DNAAF11: variants seen among roughly 807,000 people sequenced by gnomAD.
DNAAF11 encodes dynein axonemal assembly factor 11, also known as leucine rich repeat containing 6.
Under a neutral mutation model 60.8 loss-of-function variants are expected in DNAAF11, and 45 were observed. The observed-to-expected ratio is 0.74, with a 90% CI of 0.58 to 0.95. The LOEUF (loss-of-function observed/expected upper bound fraction) is 0.95, where lower values mean the gene tolerates loss of function less well. Among genes scored for constraint, DNAAF11 ranks in the 40% least tolerant of loss-of-function variants. The probability of loss-of-function intolerance (pLI) is 0.00; values close to 1 mark genes in which losing one functional copy is unlikely to be tolerated. For missense variants in DNAAF11, 546 were observed against 546.2 expected (o/e 1.00, Z 0.00); for synonymous variants, 191 against 183.5 (o/e 1.04, Z -0.33).
chr8:132,605,907 G>C (rs1002188615), intron 10 of DNAAF11, among the ~76,000 whole-genome samples: 29 of 151,952 alleles, frequency 1.9e-4, no homozygotes, highest in African/African-American at 7.0e-4. Flanking sequence ...GCAATGACTA[G>C]GAAGGAAGTG....
chr8:132,625,496 C>T, intron 5 of DNAAF11, 42 bp from the exon 6 acceptor site: 1 of 1,434,420 alleles, frequency 7.0e-7, no homozygotes, highest in Non-Finnish European at 9.6e-7. Flanking sequence ...ATAATGGATT[C>T]ATGAGCTTCA....
Position 132,602,036 on chromosome 8 carries a change from AT to A in DNAAF11, c.1140+8129del, listed in dbSNP as rs985102765. Among the ~76,000 whole-genome samples the A allele has an allele frequency of 7.9e-5, 12 of 151,036 alleles. No homozygotes were observed. In the South Asian group the frequency reaches 1.1e-3, roughly 13 times the overall value. Reference sequence around the variant, plus strand: ...ATGTGTTCTTACTGTCTTCGTTAATATTTTTTTTTCTCTATGCTTCATTCTG... The same window carrying A: ...ATGTGTTCTTACTGTCTTCGTTAATATTTTTTTTCTCTATGCTTCATTCTG... On this transcript the variant is annotated intron_variant, in intron 10 of 11. Coordinates refer to ENST00000620350, the MANE Select transcript of DNAAF11 (RefSeq NM_012472.6).
chr8:132,634,963 C>T (rs1356381069), intron 4 of DNAAF11, among the ~76,000 whole-genome samples: 2 of 151,980 alleles, frequency 1.3e-5, no homozygotes, highest in African/African-American at 2.4e-5. Flanking sequence ...TGATTGATTT[C>T]TGTCTTATAA....
intron 3 of DNAAF11, among the ~76,000 whole-genome samples, chr8:132,642,371 C>G (rs1370833080): frequency 6.6e-6 from 1 of 152,248 alleles, no homozygotes; most frequent in African/African-American, 2.4e-5. Context: ...ATCATGTGCA[C>G]TCATGCTATT....
chr8:132,661,811 T>C (rs1027389878), intron 1 of DNAAF11, 184 bp from the exon 2 acceptor site: 11 of 681,870 alleles, frequency 1.6e-5, no homozygotes, highest in Admixed American at 1.5e-4. Flanking sequence ...TGTGATGCCA[T>C]GATGTGAGCT....
intron 1 of DNAAF11, among the ~76,000 whole-genome samples, chr8:132,672,217 A>G (rs1825256261): frequency 6.6e-6 from 1 of 152,222 alleles, no homozygotes; most frequent in South Asian, 2.1e-4. Flanking sequence ...TCTATAGATG[A>G]CAAATGTGTC....
At chr8:132,688,209 G>A in the DNAAF11 span, among the ~76,000 whole-genome samples, 1 of 152,238 alleles carries the variant, frequency 6.6e-6, no homozygotes, top group Admixed American at 6.5e-5. Flanking sequence ...AGCCACTTTG[G>A]GAGACACATT....
rs1363620519 is a variant in DNAAF11, at chr8:132,632,956, T to A, written c.437A>T (p.Asp146Val). 1 of 1,608,378 alleles carries A rather than the reference T, an allele frequency of 6.2e-7. No individual in the cohort carries two copies. The highest frequency in any genetic ancestry group is 2.2e-5 in the East Asian group (1 of 44,816). The change falls in exon 5 of 12, where the codon GAT becomes GTT. Residue 146 changes from aspartate to valine, a missense_variant. By Grantham distance (152) the Asp-to-Val change is radical (BLOSUM62 -3). Transcript: ENST00000620350. ...TTCTGAAGGCTCTATTTCTTTACCATCCAACCACTTAAAGAAAAACAATAA... is the reference window on the plus strand; with the variant it reads ...TTCTGAAGGCTCTATTTCTTTACCAACCAACCACTTAAAGAAAAACAATAA... ...VATLPQLKWL[D>V]GKEIEPSERI...
At chr8:132,642,091 A>T (rs1381250467) in intron 3 of DNAAF11, among the ~76,000 whole-genome samples, 1 of 152,250 alleles carries the variant, frequency 6.6e-6, no homozygotes, top group African/African-American at 2.4e-5. Context: ...AGAATTTTTT[A>T]AAGTATATAA....
chr8:132,644,135 A>G (rs1187628261), intron 3 of DNAAF11, among the ~76,000 whole-genome samples: 2 of 152,198 alleles, frequency 1.3e-5, no homozygotes, highest in Non-Finnish European at 2.9e-5. Context: ...TAAGAGTTAT[A>G]CCTTTCAGCA....
chr8:132,672,584 A>G (rs1825289470), intron 1 of DNAAF11, among the ~76,000 whole-genome samples: 1 of 152,222 alleles, frequency 6.6e-6, no homozygotes, highest in Non-Finnish European at 1.5e-5. Context: ...TTTGTGCTCC[A>G]GATTCCTCAT....
At chr8:132,677,992 A>C (rs545036482), upstream of DNAAF11, among the ~76,000 whole-genome samples, 1 of 152,348 alleles carries the variant, frequency 6.6e-6, no homozygotes, top group Middle Eastern at 3.4e-3. Flanking sequence ...ATACTGCTAC[A>C]TTGGGGATTA....
At chr8:132,656,112 C>T (rs888944054) in intron 3 of DNAAF11, among the ~76,000 whole-genome samples, 2 of 152,212 alleles carry the variant, frequency 1.3e-5, no homozygotes. Flanking sequence ...TGTCCATCTG[C>T]AGACAGATGG....
At chr8:132,610,136 C>T (rs1193841926) in intron 10 of DNAAF11, 30 bp downstream of exon 10, 3 of 1,533,052 alleles carry the variant, frequency 2.0e-6, no homozygotes, top group African/African-American at 1.4e-5. Context: ...CATATCCAGA[C>T]TTGAAATTGA....
intron 8 of DNAAF11, among the ~76,000 whole-genome samples, chr8:132,612,584 C>G (rs568010920): frequency 1.1e-4 from 16 of 152,246 alleles, no homozygotes; most frequent in African/African-American, 2.6e-4. Flanking sequence ...TTGACAGCAG[C>G]CTTCTTCCTT....
At chr8:132,690,219 A>C in the DNAAF11 span, among the ~76,000 whole-genome samples, 1 of 152,164 alleles carries the variant, frequency 6.6e-6, no homozygotes, top group African/African-American at 2.4e-5. Flanking sequence ...CTATGTCCCC[A>C]TGCAAATCTC....
At chr8:132,698,990 G>A in the DNAAF11 span, among the ~76,000 whole-genome samples, 6 of 146,044 alleles carry the variant, frequency 4.1e-5, no homozygotes, top group African/African-American at 5.2e-5. Flanking sequence ...TTAGCCGGGC[G>A]CCATGGCAGA....
At position 132,661,560 on chromosome 8, in the gene DNAAF11, G is replaced by A. The variant is rs751611295; in HGVS notation, c.78C>T (p.Leu26=). 4 of 1,613,814 alleles carry A rather than the reference G, an allele frequency of 2.5e-6. No individual in the cohort carries two copies. The African/African-American group carries it at 5.3e-5, about 22-fold the overall frequency. The part of the protein sequence containing the change: ...NDCVIFSLEE[L]SLHQQEIERL... The stretch of plus-strand genomic sequence containing the variant: ...TTTCTATTTCTTGCTGATGCAACGA[G>A]AGTTCCTCCAGGGAAAAAATGACAC... Residue 26 remains leucine, a synonymous_variant, in exon 2 of 12, where the codon CTC becomes CTT. Transcript: ENST00000620350.
intron 10 of DNAAF11, among the ~76,000 whole-genome samples, chr8:132,591,090 G>C (rs1227326127): frequency 6.6e-6 from 1 of 152,022 alleles, no homozygotes; most frequent in Non-Finnish European, 1.5e-5. Flanking sequence ...ATTTTGTTAG[G>C]AGAGAATCAA....
Sources: gnomAD v4.1 joint callset for allele counts (sites outside exome capture counted in the v4.1 genomes callset) on GRCh38, gnomAD v4.1.1 for gene constraint, MANE v1.5 for transcripts, NCBI Gene and HGNC (gene_info 2026-07-23, HGNC 2026-07-21) for gene names.